MED12L: variants seen among roughly 807,000 people sequenced by gnomAD.
The protein encoded by MED12L is mediator of RNA polymerase II transcription subunit 12-like protein.
A neutral mutation model predicts 281.3 loss-of-function variants in MED12L; 60 were observed. The observed-to-expected ratio is 0.21, with a 90% CI of 0.17 to 0.26. The LOEUF (loss-of-function observed/expected upper bound fraction) is 0.26. Ranked by LOEUF, MED12L falls within the 10% of genes least tolerant of loss-of-function variation. MED12L has a pLI of 1.00. For missense variants in MED12L, 2,146 were observed against 2,680.9 expected (o/e 0.80, Z 4.41); for synonymous variants, 974 against 987.2 (o/e 0.99, Z 0.25).
At chr3:151,288,626 A>T (rs1743857430) in intron 16 of MED12L, among the ~76,000 whole-genome samples, 1 of 152,230 alleles carries the variant, frequency 6.6e-6, no homozygotes, top group Non-Finnish European at 1.5e-5. Context: ...ATGTTCCATT[A>T]CATGTCATTA....
intron 16 of MED12L, among the ~76,000 whole-genome samples, chr3:151,287,615 T>C (rs990653357): frequency 7.9e-5 from 12 of 152,212 alleles, no homozygotes; most frequent in Non-Finnish European, 1.6e-4. Flanking sequence ...TCAAAACCTG[T>C]CACGATCACT....
At chr3:151,194,922 T>C (rs974720818) in intron 16 of MED12L, among the ~76,000 whole-genome samples, 3 of 152,184 alleles carry the variant, frequency 2.0e-5, no homozygotes, top group Non-Finnish European at 4.4e-5. Flanking sequence ...CCCAGCACTT[T>C]GGGAGGCCGA....
At chr3:151,117,400 C>A (rs1361006454) in intron 3 of MED12L, among the ~76,000 whole-genome samples, 1 of 152,092 alleles carries the variant, frequency 6.6e-6, no homozygotes, top group African/African-American at 2.4e-5. Flanking sequence ...ACTGGAGTGT[C>A]ATTCTTTCTA....
chr3:151,245,974 C>T (rs1208510078), intron 16 of MED12L, among the ~76,000 whole-genome samples: 5 of 150,808 alleles, frequency 3.3e-5, no homozygotes, highest in South Asian at 4.2e-4. Context: ...TATACACCAG[C>T]AACAGACAAA....
rs1284491704 is a variant in MED12L, at chr3:151,243,808, C to A, written c.2250+50142C>A. ...AAATGGACTAAATGCTCCAATTAAA[C>A]GACACAGACTGGCAAATTGGATAAA... On this transcript the variant is annotated intron_variant, in intron 16 of 44. Coordinates refer to ENST00000687756, the MANE Select transcript of MED12L (RefSeq NM_001393769.1). Among the ~76,000 whole-genome samples, 1,212 of 149,752 alleles carry A rather than the reference C, an allele frequency of 8.1e-3. 11 individuals are homozygous for A. Among genetic ancestry groups the A allele is most frequent in the African/African-American group, 0.027 (1,103 of 40,248 alleles).
chr3:151,378,414 A>G (rs1229540028), intron 31 of MED12L, among the ~76,000 whole-genome samples: 3 of 152,236 alleles, frequency 2.0e-5, no homozygotes, highest in South Asian at 2.1e-4. Context: ...TGTTAAAAAC[A>G]GTGATTTCCG....
intron 16 of MED12L, among the ~76,000 whole-genome samples, chr3:151,295,970 A>G (rs1309844539): frequency 2.6e-5 from 4 of 152,320 alleles, no homozygotes; most frequent in Non-Finnish European, 5.9e-5. Context: ...AAATATTTAC[A>G]TGTCATCTAG....
At chr3:151,177,825 G>A (rs527630644) in intron 11 of MED12L, among the ~76,000 whole-genome samples, 4 of 152,186 alleles carry the variant, frequency 2.6e-5, no homozygotes, top group African/African-American at 9.6e-5. Flanking sequence ...CTAACTACCT[G>A]TAGTTGGAAA....
Position 151,416,435 on chromosome 3 carries a change from G to A in MED12L, c.6408+13G>A, listed in dbSNP as rs1261987476. On this transcript the variant is annotated intron_variant, in intron 43 of 44. Coordinates refer to ENST00000687756, the MANE Select transcript of MED12L (RefSeq NM_001393769.1). ...CCAGCAGCCCTTGGTAAGGCCTGTT[G>A]TTTTGGAATCAGACATGTGGGTTTC... is the stretch of plus-strand genomic sequence containing the variant. The A allele has an allele frequency of 4.3e-6, 7 of 1,611,382 alleles. No homozygotes were observed. In the African/African-American group the frequency reaches 9.4e-5, roughly 22 times the overall value.
chr3:151,380,206 C>T lies in MED12L; in HGVS notation c.4572C>T (p.Leu1524=), dbSNP rs1268108493. Residue 1524 remains leucine, a synonymous_variant, in exon 32 of 45, where the codon CTC becomes CTT. Coordinates refer to ENST00000687756, the MANE Select transcript of MED12L (RefSeq NM_001393769.1). ...AAAGGGAAGGCCTCCTAACATCTCTCCAGAATCAAGTTAACCAGGTAAAGT... is the reference window on the plus strand; with the variant it reads ...AAAGGGAAGGCCTCCTAACATCTCTTCAGAATCAAGTTAACCAGGTAAAGT... ...DEQREGLLTS[L]QNQVNQILSN... 1.2e-6 allele frequency: 2 copies of T among 1,603,562 alleles called. No homozygotes were observed. The highest frequency in any genetic ancestry group is 1.7e-6 in the Non-Finnish European group (2 of 1,174,162).
intron 16 of MED12L, among the ~76,000 whole-genome samples, chr3:151,256,768 T>G (rs1737884978): frequency 1.3e-5 from 2 of 151,890 alleles, no homozygotes; most frequent in Admixed American, 6.6e-5. Context: ...AGCAGAGCAT[T>G]TTGTTAATAC....
chr3:151,127,480 G>C (rs1353531379), intron 4 of MED12L, among the ~76,000 whole-genome samples: 1 of 152,190 alleles, frequency 6.6e-6, no homozygotes, highest in African/African-American at 2.4e-5. Flanking sequence ...TTGGAGGACT[G>C]TCATGAAATT....
chr3:151,171,242 A>T (rs1721388692), intron 11 of MED12L, among the ~76,000 whole-genome samples: 1 of 152,144 alleles, frequency 6.6e-6, no homozygotes, highest in African/African-American at 2.4e-5. Flanking sequence ...ATGCTCACTG[A>T]GCCTGTCACT....
At chr3:151,355,049 AAAAG>A (rs1753739275) in intron 17 of MED12L, 68 bp from the exon 18 acceptor site, 13 of 1,098,970 alleles carry the variant, frequency 1.2e-5, no homozygotes, top group Non-Finnish European at 1.4e-5. Flanking sequence ...TACTTTAAAA[AAAAG>A]TATCCATTAA....
chr3:151,316,222 G>T (rs556562644), intron 16 of MED12L, among the ~76,000 whole-genome samples: 1 of 151,810 alleles, frequency 6.6e-6, no homozygotes, highest in African/African-American at 2.4e-5. Flanking sequence ...AAAACAATAC[G>T]GATAAACGAT....
chr3:151,350,842 T>C (rs1011671472), intron 17 of MED12L, among the ~76,000 whole-genome samples: 3 of 152,368 alleles, frequency 2.0e-5, no homozygotes, highest in Admixed American at 6.5e-5. Flanking sequence ...GCTGTGCCTT[T>C]ATGTTGTATC....
At chr3:151,121,397 T>A (rs1403853614) in intron 3 of MED12L, among the ~76,000 whole-genome samples, 1 of 152,230 alleles carries the variant, frequency 6.6e-6, no homozygotes, top group Non-Finnish European at 1.5e-5. Context: ...TGGCATTACA[T>A]CAATCACAAA....
intron 16 of MED12L, among the ~76,000 whole-genome samples, chr3:151,211,598 T>G (rs1727175909): frequency 6.6e-6 from 1 of 152,206 alleles, no homozygotes; most frequent in Non-Finnish European, 1.5e-5. Flanking sequence ...TAGGGTATTT[T>G]TTTCTGAGTT....
At chr3:151,401,980 TGA>T (rs762020037) in intron 39 of MED12L, among the ~76,000 whole-genome samples, 2 of 152,170 alleles carry the variant, frequency 1.3e-5, no homozygotes, top group Non-Finnish European at 2.9e-5. Context: ...TTGATTTTTA[TGA>T]GAGAGGGCAG....
Sources: allele counts gnomAD v4.1 joint callset (sites outside exome capture counted in the v4.1 genomes callset), GRCh38; gene constraint gnomAD v4.1.1; transcripts MANE v1.5; gene names NCBI Gene and HGNC (gene_info 2026-07-23, HGNC 2026-07-21).